CPNE4: variants seen among roughly 807,000 people sequenced by gnomAD.
The protein encoded by CPNE4 is copine 4, also known as copine-4.
A neutral mutation model predicts 67.9 loss-of-function variants in CPNE4; 25 were observed. The ratio of observed to expected loss-of-function variants is 0.37; its 90% CI spans 0.27 to 0.51. The LOEUF is 0.51. CPNE4 is among the 20% of genes least tolerant of loss of function. CPNE4 has a pLI of 0.93. For synonymous variants in CPNE4, 242 were observed against 244.9 expected (o/e 0.99, Z 0.11); for missense variants, 464 against 690.8 (o/e 0.67, Z 3.68).
chr3:131,538,030 AC>A (rs1193852438), intron 15 of CPNE4, among the ~76,000 whole-genome samples: 1 of 152,204 alleles, frequency 6.6e-6, no homozygotes, highest in African/African-American at 2.4e-5. Context: ...CATATTTGTT[AC>A]CATCAAAAAT....
intron 2 of CPNE4, among the ~76,000 whole-genome samples, chr3:131,841,540 AT>A (rs1303202113): frequency 6.6e-6 from 1 of 152,164 alleles, no homozygotes. Flanking sequence ...CATGTGAGGG[AT>A]CTAGGTTACG....
At chr3:131,923,823 C>A (rs1405094403) in intron 1 of CPNE4, among the ~76,000 whole-genome samples, 2 of 151,476 alleles carry the variant, frequency 1.3e-5, no homozygotes, top group Non-Finnish European at 2.9e-5. Context: ...GTCAGCTAAG[C>A]CCCAGGCCCT....
chr3:131,906,209 TTTG>T (rs1553801846), intron 1 of CPNE4, among the ~76,000 whole-genome samples: 15 of 112,090 alleles, frequency 1.3e-4, no homozygotes, highest in East Asian at 3.3e-4. Flanking sequence ...TTTGTTTTTT[TTTG>T]TTGTTGTTGT....
At chr3:131,839,726 T>A (rs1156284572) in intron 2 of CPNE4, among the ~76,000 whole-genome samples, 2 of 148,412 alleles carry the variant, frequency 1.3e-5, no homozygotes. Context: ...CATGTGAGCA[T>A]GTAATAATGT....
At chr3:131,706,700 C>T (rs1046569358) in intron 3 of CPNE4, among the ~76,000 whole-genome samples, 1 of 152,206 alleles carries the variant, frequency 6.6e-6, no homozygotes, top group Non-Finnish European at 1.5e-5. Flanking sequence ...TGATAAGAAA[C>T]ATTTGCCATC....
At chr3:131,660,811 C>T (rs1280305533) in intron 7 of CPNE4, among the ~76,000 whole-genome samples, 1 of 152,164 alleles carries the variant, frequency 6.6e-6, no homozygotes, top group African/African-American at 2.4e-5. Context: ...TCCTACTAGG[C>T]CACATTTCCT....
At chr3:131,799,924 TG>T (rs1379266845) in intron 2 of CPNE4, among the ~76,000 whole-genome samples, 8 of 7,264 alleles carry the variant, frequency 1.1e-3, no homozygotes, top group South Asian at 3.3e-3. Flanking sequence ...GTGTGTTGTG[TG>T]TGTGTGTGTG....
chr3:131,675,285 C>T (rs542769106), intron 6 of CPNE4, among the ~76,000 whole-genome samples: 1 of 152,170 alleles, frequency 6.6e-6, no homozygotes, highest in African/African-American at 2.4e-5. Context: ...GCATATTCTG[C>T]AGTCATTAGT....
At chr3:131,967,580 TAGAC>T (rs1167142100) in intron 1 of CPNE4, among the ~76,000 whole-genome samples, 2 of 151,986 alleles carry the variant, frequency 1.3e-5, no homozygotes, top group African/African-American at 4.8e-5. Context: ...ACACCAATAA[TAGAC>T]AAACACAGAG....
At chr3:131,655,699 A>T (rs753997851) in intron 7 of CPNE4, among the ~76,000 whole-genome samples, 6 of 152,128 alleles carry the variant, frequency 3.9e-5, no homozygotes, top group Admixed American at 1.3e-4. Context: ...AGTTCTGAGG[A>T]TCAGAATCCA....
At chr3:131,933,520 T>C (rs2071130882) in intron 1 of CPNE4, among the ~76,000 whole-genome samples, 1 of 152,168 alleles carries the variant, frequency 6.6e-6, no homozygotes, top group East Asian at 1.9e-4. Context: ...GCAATCCCAC[T>C]TCTGGGTACA....
chr3:131,951,817 G>C (rs1043520169), intron 1 of CPNE4, among the ~76,000 whole-genome samples: 15 of 151,950 alleles, frequency 9.9e-5, no homozygotes, highest in Admixed American at 2.0e-4. Flanking sequence ...CGCCAGCCTC[G>C]GCCTCCCGAG....
chr3:131,686,163 T>G (rs2080884646), intron 5 of CPNE4, among the ~76,000 whole-genome samples: 1 of 152,148 alleles, frequency 6.6e-6, no homozygotes, highest in African/African-American at 2.4e-5. Context: ...CACCCTTTCT[T>G]CCTTTGATCC....
chr3:131,538,194 T>A (rs947092542), intron 15 of CPNE4, among the ~76,000 whole-genome samples: 2 of 152,248 alleles, frequency 1.3e-5, no homozygotes, highest in African/African-American at 4.8e-5. Flanking sequence ...GATGGTAATA[T>A]TCTATATCTG....
intron 1 of CPNE4, among the ~76,000 whole-genome samples, chr3:131,965,164 A>C (rs1248961126): frequency 6.6e-6 from 1 of 152,208 alleles, no homozygotes; most frequent in Non-Finnish European, 1.5e-5. Flanking sequence ...CTTTACAGAC[A>C]AGGAAATGCT....
At chr3:131,938,005 G>A (rs540605397) in intron 1 of CPNE4, among the ~76,000 whole-genome samples, 3 of 152,108 alleles carry the variant, frequency 2.0e-5, no homozygotes, top group East Asian at 3.9e-4. Flanking sequence ...GATAATACTC[G>A]AATAAAAATA....
chr3:131,959,760 C>T (rs2072110380), intron 1 of CPNE4, among the ~76,000 whole-genome samples: 1 of 152,138 alleles, frequency 6.6e-6, no homozygotes, highest in African/African-American at 2.4e-5. Flanking sequence ...ATCTGTTTTG[C>T]TCCCCTTACT....
chr3:131,759,536 A>C (rs1027311332), intron 2 of CPNE4, among the ~76,000 whole-genome samples: 1 of 152,112 alleles, frequency 6.6e-6, no homozygotes, highest in African/African-American at 2.4e-5. Flanking sequence ...ACTCAAGCAA[A>C]CAAATGGACA....
chr3:131,550,313 T>C (rs1001531570), intron 13 of CPNE4, among the ~76,000 whole-genome samples: 11 of 152,098 alleles, frequency 7.2e-5, no homozygotes, highest in African/African-American at 2.7e-4. Flanking sequence ...CACAAAATTT[T>C]CCCTAATATC....
Sources: allele counts gnomAD v4.1 joint callset (sites outside exome capture counted in the v4.1 genomes callset), GRCh38; gene constraint gnomAD v4.1.1; transcripts MANE v1.5; gene names NCBI Gene and HGNC (gene_info 2026-07-23, HGNC 2026-07-21).